The following DSCAM variants were observed in gnomAD, a reference collection of about 807,000 sequenced individuals.
DSCAM encodes cell adhesion molecule DSCAM.
DSCAM carries 47 observed loss-of-function variants against 217.7 expected under a neutral mutation model. The observed-to-expected ratio is 0.22, with a 90% CI of 0.17 to 0.28. The LOEUF is 0.28. DSCAM is among the 10% of genes least tolerant of loss of function. The pLI is 1.00. For synonymous variants in DSCAM, 1,056 were observed against 1,015.3 expected, an observed-to-expected ratio of 1.04 and a Z score of -0.76; for missense variants, 2,080 against 2,618.3, an observed-to-expected ratio of 0.79 and a Z score of 4.49.
At chr21:40,305,117 T>C (rs1221495467) in intron 9 of DSCAM, among the ~76,000 whole-genome samples, 3 of 152,072 alleles carry the variant, frequency 2.0e-5, no homozygotes, top group Non-Finnish European at 4.4e-5. Context: ...TGGCCGGGCA[T>C]GGTGGCTCAC....
intron 3 of DSCAM, among the ~76,000 whole-genome samples, chr21:40,431,575 TAATG>T (rs2075532629): frequency 6.6e-6 from 1 of 152,240 alleles, no homozygotes. Flanking sequence ...CACTTCCACC[TAATG>T]AATAGTAAGC....
At chr21:40,346,312 A>G (rs909078970) in intron 6 of DSCAM, among the ~76,000 whole-genome samples, 8 of 152,254 alleles carry the variant, frequency 5.3e-5, no homozygotes, top group African/African-American at 9.6e-5. Flanking sequence ...CACTGTCTGC[A>G]ATGAAACGAT....
At chr21:40,119,964 C>T (rs1372823184) in intron 20 of DSCAM, among the ~76,000 whole-genome samples, 1 of 152,154 alleles carries the variant, frequency 6.6e-6, no homozygotes, top group Non-Finnish European at 1.5e-5. Context: ...CTTTCGCTCT[C>T]AGCCTGACTA....
chr21:40,673,592 C>G (rs943754088), intron 3 of DSCAM, among the ~76,000 whole-genome samples: 4 of 152,116 alleles, frequency 2.6e-5, no homozygotes, highest in African/African-American at 9.7e-5. Context: ...GCCCAGCTGT[C>G]ATGTAGAACT....
intron 3 of DSCAM, among the ~76,000 whole-genome samples, chr21:40,406,362 C>T (rs565993152): frequency 6.6e-6 from 1 of 152,286 alleles, no homozygotes; most frequent in East Asian, 1.9e-4. Flanking sequence ...ATATTCACTG[C>T]AGCATTATTC....
chr21:40,324,120 A>G (rs1227380797), intron 8 of DSCAM, among the ~76,000 whole-genome samples: 1 of 143,680 alleles, frequency 7.0e-6, no homozygotes, highest in South Asian at 2.1e-4. Context: ...AAAAAAAAAA[A>G]AAAAAAAAAA....
In DSCAM at chr21:40,379,395, C is replaced by CTG. The variant is rs546510290; in HGVS notation, c.509-10152_509-10151dup. Among the ~76,000 whole-genome samples the CTG allele has an allele frequency of 9.8e-5, 15 of 152,310 alleles. No individual in the cohort carries two copies. In the East Asian group the frequency reaches 2.7e-3, roughly 27 times the overall value. ...AGGAGATAAATTTAGGATGATGTTG[C>CTG]TGTCGGGAGTAGATGCGTCAAAGAG... On this transcript the variant is annotated intron_variant, in intron 3 of 32. Coordinates refer to ENST00000400454, the MANE Select transcript of DSCAM (RefSeq NM_001389.5).
At chr21:40,656,087 T>C (rs2090072398) in intron 3 of DSCAM, among the ~76,000 whole-genome samples, 2 of 152,132 alleles carry the variant, frequency 1.3e-5, no homozygotes, top group African/African-American at 4.8e-5. Flanking sequence ...ATCTCATCCA[T>C]GGAAGCAGAG....
At chr21:40,318,033 CA>C (rs2123509891) in intron 8 of DSCAM, among the ~76,000 whole-genome samples, 1 of 152,060 alleles carries the variant, frequency 6.6e-6, no homozygotes, top group Non-Finnish European at 1.5e-5. Context: ...TATAGTATTC[CA>C]TGGTGTATAT....
intron 1 of DSCAM, among the ~76,000 whole-genome samples, chr21:40,837,618 G>C (rs1482914291): frequency 6.6e-6 from 1 of 152,186 alleles, no homozygotes; most frequent in Non-Finnish European, 1.5e-5. Context: ...AACTTGGGCT[G>C]CCAACTTAAA....
intron 5 of DSCAM, among the ~76,000 whole-genome samples, chr21:40,351,871 G>C (rs985428090): frequency 6.6e-6 from 1 of 152,190 alleles, no homozygotes; most frequent in Admixed American, 6.5e-5. Context: ...GTGGATGGAG[G>C]CTAAGAGAGT....
chr21:40,756,889 G>A (rs961993291), intron 1 of DSCAM, among the ~76,000 whole-genome samples: 15 of 152,120 alleles, frequency 9.9e-5, no homozygotes, highest in African/African-American at 3.4e-4. Context: ...AGTATTGCAA[G>A]CCAGACGATA....
intron 1 of DSCAM, among the ~76,000 whole-genome samples, chr21:40,842,220 C>T (rs2092108253): frequency 2.6e-5 from 4 of 152,222 alleles, no homozygotes; most frequent in Admixed American, 2.6e-4. Flanking sequence ...CACCAAGGCC[C>T]AGCGTGCACT....
chr21:40,637,410 TAA>T (rs1345378325), intron 3 of DSCAM, among the ~76,000 whole-genome samples: 2 of 7,126 alleles, frequency 2.8e-4, no homozygotes, highest in African/African-American at 5.7e-4. Flanking sequence ...TATATAAATA[TAA>T]ATATATATAT....
At chr21:40,543,130 G>C (rs2076554778) in intron 3 of DSCAM, among the ~76,000 whole-genome samples, 1 of 152,158 alleles carries the variant, frequency 6.6e-6, no homozygotes. Context: ...ATATGTTTAA[G>C]TATTTAAAAT....
At chr21:40,397,413 T>C (rs978178819) in intron 3 of DSCAM, among the ~76,000 whole-genome samples, 3 of 152,050 alleles carry the variant, frequency 2.0e-5, no homozygotes, top group African/African-American at 7.2e-5. Context: ...TTGCTCCTGC[T>C]TTCACCGTGT....
At chr21:40,125,845 G>A (rs960619068) in intron 19 of DSCAM, among the ~76,000 whole-genome samples, 4 of 152,126 alleles carry the variant, frequency 2.6e-5, no homozygotes, top group South Asian at 2.1e-4. Context: ...CAGAGTGAAC[G>A]TTTCCTGGGG....
rs551578118 is a variant in DSCAM at position 40,654,199 on chromosome 21, T to TA, written c.508+38610dup. Among the ~76,000 whole-genome samples the TA allele has an allele frequency of 7.9e-5, 12 of 152,346 alleles. No homozygotes were observed. The East Asian group carries it at 2.3e-3, about 29-fold the overall frequency. On this transcript the variant is annotated intron_variant, in intron 3 of 32. Coordinates refer to ENST00000400454, the MANE Select transcript of DSCAM (RefSeq NM_001389.5). ...TCACCAATACGATATTACTGTCTGG[T>TA]AAAAATATTTTTGTTTTCCTTTAAA...
intron 9 of DSCAM, among the ~76,000 whole-genome samples, chr21:40,307,888 A>T (rs1040740617): frequency 1.4e-5 from 2 of 145,106 alleles, no homozygotes; most frequent in African/African-American, 5.1e-5. Flanking sequence ...AACAATGAGA[A>T]CACATGGACA....
Sources: gnomAD v4.1 joint callset for allele counts (sites outside exome capture counted in the v4.1 genomes callset) on GRCh38, gnomAD v4.1.1 for gene constraint, MANE v1.5 for transcripts, NCBI Gene and HGNC (gene_info 2026-07-23, HGNC 2026-07-21) for gene names.